COL11A1: variants seen among roughly 807,000 people sequenced by gnomAD.
COL11A1 encodes collagen type XI alpha 1 chain, also known as collagen alpha-1(XI) chain.
A neutral mutation model predicts 265.2 loss-of-function variants in COL11A1; 74 were observed. The observed-to-expected ratio is 0.28, with a 90% CI of 0.23 to 0.34. The LOEUF (loss-of-function observed/expected upper bound fraction) is 0.34, where lower values mean the gene tolerates loss of function less well. COL11A1 is among the 10% of genes least tolerant of loss of function. COL11A1 has a pLI of 1.00. For missense variants in COL11A1, 2,165 were observed against 2,263.6 expected (o/e 0.96, Z 0.88); for synonymous variants, 816 against 727.6 (o/e 1.12, Z -1.96).
chr1:102,926,752 A>T (rs777265335), intron 46 of COL11A1, among the ~76,000 whole-genome samples: 5 of 152,172 alleles, frequency 3.3e-5, no homozygotes, highest in Non-Finnish European at 4.4e-5. Context: ...TCTAAATTAC[A>T]GTTTTATAGG....
intron 54 of COL11A1, among the ~76,000 whole-genome samples, chr1:102,911,191 A>G (rs544913199): frequency 3.9e-5 from 6 of 152,270 alleles, no homozygotes; most frequent in Non-Finnish European, 5.9e-5. Flanking sequence ...TACTTGGCCA[A>G]TGAAGAGCAA....
Position 103,010,757 on chromosome 1 carries a change from G to A in COL11A1, c.1629+1656C>T, listed in dbSNP as rs190136385. On this transcript the variant is annotated intron_variant, in intron 14 of 66. Coordinates refer to ENST00000370096, the MANE Select transcript of COL11A1 (RefSeq NM_001854.4). ...GCTCTGTCGCCAAGGCTGGAGTGCA[G>A]TGGCACAATCTCAGCTCACAGCAAC... Among the ~76,000 whole-genome samples the A allele has an allele frequency of 2.6e-5, 4 of 151,192 alleles. No homozygotes were observed. The East Asian group carries it at 7.8e-4, about 29-fold the overall frequency.
chr1:102,951,501 T>G (rs896407685), intron 41 of COL11A1, among the ~76,000 whole-genome samples: 1 of 152,074 alleles, frequency 6.6e-6, no homozygotes, highest in Admixed American at 6.6e-5. Context: ...ATTGAGACCA[T>G]CCTGGCTAAC....
chr1:102,890,820 T>C (rs948739886), intron 57 of COL11A1, among the ~76,000 whole-genome samples: 1 of 152,078 alleles, frequency 6.6e-6, no homozygotes, highest in African/African-American at 2.4e-5. Flanking sequence ...ATTTCCAAAT[T>C]ATATATCCAG....
At chr1:102,916,051 A>C (rs1655301471) in intron 49 of COL11A1, among the ~76,000 whole-genome samples, 1 of 152,206 alleles carries the variant, frequency 6.6e-6, no homozygotes, top group Non-Finnish European at 1.5e-5. Flanking sequence ...GAACACTTTC[A>C]AATTGTTGTT....
rs149842131 is a variant in COL11A1, at chr1:102,976,289, C to CTTTTTTTTTTTTTTTTTTT, written c.2755-1425_2755-1407dup. Among the ~76,000 whole-genome samples the CTTTTTTTTTTTTTTTTTTT allele has an allele frequency of 1.2e-4, 7 of 58,602 alleles. 1 individual carries two copies. The highest frequency in any genetic ancestry group is 1.6e-4 in the Non-Finnish European group (5 of 31,088). 38.4% of individuals were successfully genotyped at this position (58,602 alleles called of 152,430 possible). ...TATAAAATTTCACAGAAAACGTTGG[C>CTTTTTTTTTTTTTTTTTTT]TTTTTTTTTTTTTTTTTTTTTTTTT... On this transcript the variant is annotated intron_variant, in intron 35 of 66. Transcript: ENST00000370096.
Position 103,062,780 on chromosome 1 carries a change from G to A in COL11A1, c.651+11838C>T, listed in dbSNP as rs939233604. ...GTAAGACAAGAAAAGGAAATAAAATGTATTCAGATGGGGAAGAGAAAAATT... is the reference window on the plus strand; with the variant it reads ...GTAAGACAAGAAAAGGAAATAAAATATATTCAGATGGGGAAGAGAAAAATT... On this transcript the variant is annotated intron_variant, in intron 4 of 66. Transcript: ENST00000370096. 2.6e-5 allele frequency among the ~76,000 whole-genome samples: 4 copies of A among 152,004 alleles called. No individual in the cohort carries two copies. The East Asian group carries it at 5.8e-4, about 22-fold the overall frequency.
At chr1:103,078,047 C>T (rs905628716) in intron 3 of COL11A1, among the ~76,000 whole-genome samples, 11 of 152,146 alleles carry the variant, frequency 7.2e-5, no homozygotes, top group Non-Finnish European at 1.6e-4. Flanking sequence ...ATTAGTAAAA[C>T]GTAAGTCAAA....
chr1:102,920,861 A>G lies in COL11A1; in HGVS notation c.3709-497T>C, dbSNP rs1278627169. Reference sequence around the variant, plus strand: ...TTCTGGCCTGCCAGAATTAAAGCAGATATTAAATAATGAAGAAAATGAAGA... The same window carrying G: ...TTCTGGCCTGCCAGAATTAAAGCAGGTATTAAATAATGAAGAAAATGAAGA... On this transcript the variant is annotated intron_variant, in intron 48 of 66. Coordinates refer to ENST00000370096, the MANE Select transcript of COL11A1 (RefSeq NM_001854.4). Among the ~76,000 whole-genome samples, 8 of 152,312 alleles carry G rather than the reference A, an allele frequency of 5.3e-5. No individual in the cohort carries two copies. The East Asian group carries it at 1.4e-3, about 26-fold the overall frequency.
At chr1:102,940,224 C>T in intron 43 of COL11A1, 103 bp downstream of exon 43, 1 of 927,672 alleles carries the variant, frequency 1.1e-6, no homozygotes, top group Non-Finnish European at 1.8e-6. Context: ...AAAAAGGTAA[C>T]CTTTCACCTG....
At chr1:103,068,592 T>C (rs1270591844) in intron 4 of COL11A1, among the ~76,000 whole-genome samples, 2 of 151,478 alleles carry the variant, frequency 1.3e-5, no homozygotes, top group African/African-American at 2.4e-5. Context: ...AAAGTTATAT[T>C]CGATGTATAT....
intron 46 of COL11A1, among the ~76,000 whole-genome samples, chr1:102,928,519 G>C (rs1656928829): frequency 6.6e-6 from 1 of 152,094 alleles, no homozygotes; most frequent in African/African-American, 2.4e-5. Context: ...ATTTGGGTTG[G>C]TTCCAAGTCT....
intron 4 of COL11A1, among the ~76,000 whole-genome samples, chr1:103,044,193 A>C (rs907699054): frequency 6.6e-6 from 1 of 151,164 alleles, no homozygotes; most frequent in Non-Finnish European, 1.5e-5. Flanking sequence ...CACCCCATAC[A>C]GTTAATGATT....
intron 4 of COL11A1, among the ~76,000 whole-genome samples, chr1:103,068,194 A>C (rs1671299786): frequency 6.6e-6 from 1 of 151,710 alleles, no homozygotes; most frequent in Admixed American, 6.6e-5. Flanking sequence ...CTTTTTAAAG[A>C]TATTTTACAA....
chr1:103,046,290 T>C (rs1377718377), intron 4 of COL11A1, among the ~76,000 whole-genome samples: 14 of 20,926 alleles, frequency 6.7e-4, no homozygotes, highest in Admixed American at 3.4e-3. Context: ...TTTTAATGAT[T>C]GCCATTCTAA....
chr1:102,956,682 G>C (rs1660399928), intron 41 of COL11A1, among the ~76,000 whole-genome samples: 2 of 151,672 alleles, frequency 1.3e-5, no homozygotes, highest in African/African-American at 4.8e-5. Context: ...GTCTTGCCCA[G>C]TATTTAAAAA....
chr1:102,903,075 A>G (rs1169556180), intron 54 of COL11A1, among the ~76,000 whole-genome samples: 1 of 152,050 alleles, frequency 6.6e-6, no homozygotes, highest in East Asian at 1.9e-4. Flanking sequence ...TATTTTGGTC[A>G]GCTCTAGATT....
chr1:102,950,259 G>A (rs988380522), intron 41 of COL11A1, among the ~76,000 whole-genome samples: 1 of 152,170 alleles, frequency 6.6e-6, no homozygotes, highest in Admixed American at 6.5e-5. Context: ...CTCCAGCCTA[G>A]GTGACAGAGC....
chr1:103,051,100 C>T, intron 4 of COL11A1, among the ~76,000 whole-genome samples: 1 of 152,214 alleles, frequency 6.6e-6, no homozygotes, highest in East Asian at 1.9e-4. Context: ...AAGCTGCGTG[C>T]TGGGTGAACC....
Sources: allele counts gnomAD v4.1 joint callset (sites outside exome capture counted in the v4.1 genomes callset), GRCh38; gene constraint gnomAD v4.1.1; transcripts MANE v1.5; gene names NCBI Gene and HGNC (gene_info 2026-07-23, HGNC 2026-07-21).